The following MECOM variants were observed in gnomAD, a reference collection of about 807,000 sequenced individuals.
MECOM encodes MDS1 and EVI1 complex locus, also known as histone-lysine N-methyltransferase MECOM.
In MECOM, 13 loss-of-function variants were observed where a neutral mutation model predicts 116.3. The observed-to-expected ratio is 0.11, with a 90% CI of 0.07 to 0.18. The LOEUF is 0.18. MECOM is among the 10% of genes least tolerant of loss of function. The pLI, the probability that MECOM is intolerant of heterozygous loss-of-function variation, is 1.00. For missense variants in MECOM, 1,299 were observed against 1,509.0 expected (o/e 0.86, Z 2.31); for synonymous variants, 528 against 535.2 (o/e 0.99, Z 0.19).
chr3:169,224,503 A>G (rs1458046263), intron 2 of MECOM, among the ~76,000 whole-genome samples: 1 of 152,220 alleles, frequency 6.6e-6, no homozygotes, highest in Non-Finnish European at 1.5e-5. Context: ...TGTCACCCAC[A>G]TATAGAAAAG....
At chr3:169,530,245 T>C (rs979475783) in intron 1 of MECOM, among the ~76,000 whole-genome samples, 1 of 152,194 alleles carries the variant, frequency 6.6e-6, no homozygotes, top group African/African-American at 2.4e-5. Flanking sequence ...TGGGGGTACT[T>C]CTTAAATTGC....
rs551797996 is a variant in MECOM, at chr3:169,106,393, C to T, written c.2604+1533G>A. ...CATACAACGTGAAATAATCATATCACGGAGAATGGAATATTCATCCCCTCA... is the reference window on the plus strand; with the variant it reads ...CATACAACGTGAAATAATCATATCATGGAGAATGGAATATTCATCCCCTCA... On this transcript the variant is annotated intron_variant, in intron 10 of 16. Coordinates refer to ENST00000651503, the MANE Select transcript of MECOM (RefSeq NM_004991.4). Among the ~76,000 whole-genome samples the T allele has an allele frequency of 3.9e-5, 6 of 152,142 alleles. No individual in the cohort carries two copies. The South Asian group carries it at 1.0e-3, about 26-fold the overall frequency.
intron 5 of MECOM, among the ~76,000 whole-genome samples, chr3:169,126,267 C>T (rs1008535659): frequency 3.9e-5 from 6 of 152,066 alleles, no homozygotes; most frequent in African/African-American, 1.2e-4. Context: ...TATTGCTGTA[C>T]ACTCTTAGTA....
At chr3:169,333,450 G>A (rs775817652) in intron 2 of MECOM, among the ~76,000 whole-genome samples, 2 of 152,058 alleles carry the variant, frequency 1.3e-5, no homozygotes, top group South Asian at 2.1e-4. Flanking sequence ...GGGAATTTTC[G>A]TTTGGCCAGT....
chr3:169,422,806 C>G lies in MECOM; in HGVS notation c.38-41282G>C, dbSNP rs968219763. ...CTTTAAATCCAACTTCTGTGGCTCACCAGCATGCAACTTTGGACAAGTTAC... is the reference window on the plus strand; with the variant it reads ...CTTTAAATCCAACTTCTGTGGCTCAGCAGCATGCAACTTTGGACAAGTTAC... On this transcript the variant is annotated intron_variant, in intron 1 of 16. Coordinates refer to ENST00000651503, the MANE Select transcript of MECOM (RefSeq NM_004991.4). 2.6e-5 allele frequency among the ~76,000 whole-genome samples: 4 copies of G among 152,140 alleles called. No individual in the cohort carries two copies. In the East Asian group the frequency reaches 7.7e-4, roughly 29 times the overall value.
At position 169,090,007 on chromosome 3, in the gene MECOM, G is replaced by A. The variant is rs778470697; in HGVS notation, c.3394C>T (p.Pro1132Ser). 1 of 1,612,810 alleles carries A rather than the reference G, an allele frequency of 6.2e-7. No individual in the cohort carries two copies. The highest frequency in any genetic ancestry group is 1.7e-5 in the Admixed American group (1 of 59,914). The change falls in exon 15 of 17, where the codon CCA becomes TCA. Residue 1132 changes from proline (P) to serine (S), a missense_variant. Around this residue, in one of 6 missense-constraint regions of MECOM, gnomAD observed 273 missense variants for 289.3 expected, o/e 0.94. Coordinates refer to ENST00000651503, the MANE Select transcript of MECOM (RefSeq NM_004991.4). Reference protein sequence around the residue: ...SALEMSCKTSPVRYKEEEYKS... With the variant: ...SALEMSCKTSSVRYKEEEYKS... Reference sequence around the variant, plus strand: ...GTCACCCAAGGTACTCACCTCACTGGGGATGTCTTGCAACTCATCTCCAGG... The same window carrying A: ...GTCACCCAAGGTACTCACCTCACTGAGGATGTCTTGCAACTCATCTCCAGG...
chr3:169,460,239 C>T (rs1206903244), intron 1 of MECOM, among the ~76,000 whole-genome samples: 1 of 152,116 alleles, frequency 6.6e-6, no homozygotes, highest in Non-Finnish European at 1.5e-5. Flanking sequence ...AAAAGAATAG[C>T]TTTCCCACAG....
At chr3:169,651,507 G>A (rs892160513) in intron 1 of MECOM, among the ~76,000 whole-genome samples, 1 of 152,138 alleles carries the variant, frequency 6.6e-6, no homozygotes, top group Non-Finnish European at 1.5e-5. Flanking sequence ...ACCTGGATGA[G>A]ATTGGAGACT....
intron 2 of MECOM, chr3:169,146,520 C>A (rs1289475494): frequency 7.3e-7 from 1 of 1,379,058 alleles, no homozygotes; most frequent in African/African-American, 1.5e-5. Flanking sequence ...CAGACCGCAC[C>A]GTTTCGCAGG....
chr3:169,428,700 T>C (rs540986488), intron 1 of MECOM, among the ~76,000 whole-genome samples: 1 of 152,330 alleles, frequency 6.6e-6, no homozygotes. Flanking sequence ...ACTTGCAAAA[T>C]ATCTTTTACC....
intron 2 of MECOM, among the ~76,000 whole-genome samples, chr3:169,369,755 AT>A (rs904017769): frequency 3.4e-4 from 52 of 151,900 alleles, no homozygotes; most frequent in African/African-American, 1.2e-3. Flanking sequence ...TTCTCTTGGC[AT>A]TTTCTCTGTT....
Position 169,512,021 on chromosome 3 carries a change from A to G in MECOM, c.38-130497T>C, listed in dbSNP as rs536235839. ...GGCACACAAAAGCACTCAGTAGATA[A>G]TTTATTTAACTGCTTGGGCCTCATT... is the stretch of plus-strand genomic sequence containing the variant. On this transcript the variant is annotated intron_variant, in intron 1 of 16. Coordinates refer to ENST00000651503, the MANE Select transcript of MECOM (RefSeq NM_004991.4). 3.3e-5 allele frequency among the ~76,000 whole-genome samples: 5 copies of G among 152,222 alleles called. No individual in the cohort carries two copies. The East Asian group carries it at 9.7e-4, about 30-fold the overall frequency.
At chr3:169,581,490 G>A (rs1765121663) in intron 1 of MECOM, among the ~76,000 whole-genome samples, 1 of 151,778 alleles carries the variant, frequency 6.6e-6, no homozygotes, top group Non-Finnish European at 1.5e-5. Flanking sequence ...TTGTTTTGGA[G>A]AAACCCCTAA....
At chr3:169,523,539 C>T (rs1255588607) in intron 1 of MECOM, among the ~76,000 whole-genome samples, 1 of 151,664 alleles carries the variant, frequency 6.6e-6, no homozygotes, top group Non-Finnish European at 1.5e-5. Context: ...TGCAAATGTG[C>T]TTAATGAAAG....
intron 2 of MECOM, among the ~76,000 whole-genome samples, chr3:169,262,126 A>G (rs554780141): frequency 6.6e-6 from 1 of 152,358 alleles, no homozygotes; most frequent in Non-Finnish European, 1.5e-5. Context: ...ATGAGCTTAC[A>G]TTCTGACTTC....
intron 9 of MECOM, among the ~76,000 whole-genome samples, chr3:169,110,514 C>T (rs1196494711): frequency 2.0e-5 from 3 of 152,072 alleles, no homozygotes; most frequent in Admixed American, 6.6e-5. Context: ...AAGAAAACAG[C>T]CATGATATTT....
Position 169,138,968 on chromosome 3 carries a change from G to A in MECOM, c.510+4730C>T, listed in dbSNP as rs545066213. ...TCATTCACGTGGACCTAAGGAGAGC[G>A]AACGCGGGGTGCCACATCAGCTAGG... is the stretch of plus-strand genomic sequence containing the variant. On this transcript the variant is annotated intron_variant, in intron 3 of 16. Coordinates refer to ENST00000651503, the MANE Select transcript of MECOM (RefSeq NM_004991.4). Among the ~76,000 whole-genome samples the A allele has an allele frequency of 7.2e-5, 11 of 152,160 alleles. No homozygotes were observed. The South Asian group carries it at 1.2e-3, about 17-fold the overall frequency.
chr3:169,115,596 G>C lies in MECOM; in HGVS notation c.2276C>G (p.Ser759Cys). The part of the protein sequence containing the change: ...KDEKPLTPVP[S>C]KPPVTPATSQ... Reference sequence around the variant, plus strand: ...TGTGGCAGGTGTCACTGGAGGCTTGGAGGGGACTGGAGTCAAGGGCTTCTC... The same window carrying C: ...TGTGGCAGGTGTCACTGGAGGCTTGCAGGGGACTGGAGTCAAGGGCTTCTC... The change falls in exon 8 of 17, where the codon TCC (serine) becomes TGC (cysteine). Residue 759 changes from serine (S) to cysteine (C), a missense_variant. Physicochemically the swap from Ser to Cys is moderately radical, Grantham distance 112. Around this residue, in one of 6 missense-constraint regions of MECOM, gnomAD observed 340 missense variants for 312.6 expected, o/e 1.09. Transcript: ENST00000651503. The C allele has an allele frequency of 6.2e-7, 1 of 1,614,140 alleles. No homozygotes were observed. The highest frequency in any genetic ancestry group is 8.5e-7 in the Non-Finnish European group (1 of 1,180,020).
chr3:169,612,826 T>C (rs1379226508), intron 1 of MECOM, among the ~76,000 whole-genome samples: 1 of 152,160 alleles, frequency 6.6e-6, no homozygotes, highest in East Asian at 1.9e-4. Context: ...ATTAGCACTG[T>C]CCTATACACC....
Sources: gnomAD v4.1 joint callset for allele counts (sites outside exome capture counted in the v4.1 genomes callset) on GRCh38, gnomAD v4.1.1 for gene constraint, gnomAD v4.1.1 regional missense constraint, MANE v1.5 for transcripts, NCBI Gene and HGNC (gene_info 2026-07-23, HGNC 2026-07-21) for gene names.